The following XKR4 variants were observed in gnomAD, a reference collection of about 807,000 sequenced individuals.
XKR4 encodes the protein XK related 4, also known as XK-related protein 4.
XKR4 carries 12 observed loss-of-function variants against 53.9 expected under a neutral mutation model. The ratio of observed to expected loss-of-function variants is 0.22; its 90% CI spans 0.14 to 0.36. The LOEUF (loss-of-function observed/expected upper bound fraction) is 0.36. XKR4 is among the 10% of genes least tolerant of loss of function. The pLI, the probability that XKR4 is intolerant of heterozygous loss-of-function variation, is 1.00. For synonymous variants in XKR4, 354 were observed against 362.4 expected (o/e 0.98, Z 0.26); for missense variants, 799 against 859.5 (o/e 0.93, Z 0.88).
In XKR4 at chr8:55,518,148, C is replaced by A. The variant is rs571034639; in HGVS notation, c.1007-5133C>A. 8.8e-4 allele frequency among the ~76,000 whole-genome samples: 134 copies of A among 152,298 alleles called. 1 individual carries two copies. The highest frequency in any genetic ancestry group is 3.2e-3 in the African/African-American group (133 of 41,574). On this transcript the variant is annotated intron_variant, in intron 2 of 2. Coordinates refer to ENST00000327381, the MANE Select transcript of XKR4 (RefSeq NM_052898.2). ...CCATCTAGAGAATTAGGCTGTACAT[C>A]CTACGAAGCGTGCTCTGGGGATTTC... is the stretch of plus-strand genomic sequence containing the variant.
intron 2 of XKR4, among the ~76,000 whole-genome samples, chr8:55,447,463 G>A (rs1364431310): frequency 6.6e-6 from 1 of 152,098 alleles, no homozygotes; most frequent in East Asian, 1.9e-4. Context: ...AAGAAAGAAA[G>A]GAAAGACCCC....
intron 1 of XKR4, among the ~76,000 whole-genome samples, chr8:55,277,218 A>G (rs529439018): frequency 3.7e-4 from 56 of 152,364 alleles, no homozygotes; most frequent in South Asian, 2.3e-3. Context: ...CTCAGCTATC[A>G]TGATATGTTC....
intron 2 of XKR4, among the ~76,000 whole-genome samples, chr8:55,372,334 G>C (rs113015868): frequency 1.6e-4 from 24 of 152,296 alleles, no homozygotes; most frequent in African/African-American, 5.8e-4. Context: ...ACATTTATCT[G>C]CCATTCACCT....
rs1563316493 is a variant in XKR4, at chr8:55,289,662, A to AG, written c.807-68015dup. On this transcript the variant is annotated intron_variant, in intron 1 of 2. Transcript: ENST00000327381. ...GAAAGAAAGAAAGGAAGGAAGGAAA[A>AG]GAAAAGAAAAGAAAGAGAAAGAAAG... 7.2e-4 allele frequency among the ~76,000 whole-genome samples: 67 copies of AG among 93,496 alleles called. 1 individual carries two copies. Among genetic ancestry groups the AG allele is most frequent in the African/African-American group, 2.1e-3 (53 of 25,280 alleles). The allele number at this position is 93,496 out of a possible 152,430, so 61.3% of individuals were successfully genotyped here. A position where few individuals can be genotyped will look rare whatever the true frequency, so the allele number is the denominator to read the frequency against.
chr8:55,151,411 C>T (rs1235510870), intron 1 of XKR4, among the ~76,000 whole-genome samples: 2 of 152,184 alleles, frequency 1.3e-5, no homozygotes, highest in African/African-American at 4.8e-5. Context: ...AATTGTACCG[C>T]AAACTTCTGT....
intron 1 of XKR4, among the ~76,000 whole-genome samples, chr8:55,195,402 T>C (rs1817492237): frequency 7.0e-6 from 1 of 142,608 alleles, no homozygotes; most frequent in Non-Finnish European, 1.6e-5. Context: ...AATTGCATGA[T>C]CAATTAGTTT....
chr8:55,184,934 T>C (rs1416464204), intron 1 of XKR4, among the ~76,000 whole-genome samples: 1 of 152,184 alleles, frequency 6.6e-6, no homozygotes, highest in East Asian at 1.9e-4. Flanking sequence ...AAGTTATGAA[T>C]ATCAATATCT....
chr8:55,449,593 AG>A, intron 2 of XKR4: 1 of 1,259,362 alleles, frequency 7.9e-7, no homozygotes, highest in South Asian at 1.2e-5. Flanking sequence ...CGTAAACGCG[AG>A]GAGTTGTCTT....
intron 1 of XKR4, among the ~76,000 whole-genome samples, chr8:55,309,727 G>A (rs904015306): frequency 6.6e-6 from 1 of 152,302 alleles, no homozygotes; most frequent in Admixed American, 6.5e-5. Flanking sequence ...TCTTGCAGCT[G>A]CATGTGAATC....
intron 2 of XKR4, among the ~76,000 whole-genome samples, chr8:55,497,947 A>G (rs59807586): frequency 0.053 from 8,022 of 152,144 alleles, 600 homozygotes; most frequent in East Asian, 0.28. Flanking sequence ...TCAGATCCCC[A>G]TCCCCGCTGC....
intron 2 of XKR4, among the ~76,000 whole-genome samples, chr8:55,431,337 G>A (rs114829828): frequency 1.3e-5 from 2 of 152,098 alleles, no homozygotes; most frequent in Non-Finnish European, 2.9e-5. Flanking sequence ...ACATCATTAG[G>A]CTGTACAACT....
chr8:55,128,134 T>C (rs1005312903), intron 1 of XKR4, among the ~76,000 whole-genome samples: 3 of 152,068 alleles, frequency 2.0e-5, no homozygotes, highest in Non-Finnish European at 2.9e-5. Flanking sequence ...TTTCTAGTTC[T>C]AGATCCCTGA....
At chr8:55,105,583 T>C (rs7013088) in intron 1 of XKR4, among the ~76,000 whole-genome samples, 3,134 of 152,256 alleles carry the variant, frequency 0.021, 38 homozygotes, top group Middle Eastern at 0.044. Context: ...TTATCAGATA[T>C]AATATTCTGG....
At chr8:55,217,686 A>G (rs1220808939) in intron 1 of XKR4, among the ~76,000 whole-genome samples, 1 of 152,216 alleles carries the variant, frequency 6.6e-6, no homozygotes, top group Non-Finnish European at 1.5e-5. Context: ...GCTGAAGTTC[A>G]GGTAAGTATA....
chr8:55,363,506 G>T (rs1030464678), intron 2 of XKR4, among the ~76,000 whole-genome samples: 12 of 152,186 alleles, frequency 7.9e-5, no homozygotes, highest in Admixed American at 6.5e-4. Flanking sequence ...GGGTAACCAA[G>T]AAATACCTGA....
intron 2 of XKR4, among the ~76,000 whole-genome samples, chr8:55,416,883 T>G (rs1299339273): frequency 2.6e-5 from 4 of 152,238 alleles, no homozygotes; most frequent in African/African-American, 4.8e-5. Flanking sequence ...ATCTATGCAT[T>G]TAATCCCATA....
intron 2 of XKR4, among the ~76,000 whole-genome samples, chr8:55,368,243 TG>T (rs759553692): frequency 2.6e-5 from 4 of 152,124 alleles, no homozygotes; most frequent in African/African-American, 4.8e-5. Context: ...GTGTGAGCCA[TG>T]GTGCCTGGCC....
At chr8:55,464,385 A>G (rs1249295322) in intron 2 of XKR4, among the ~76,000 whole-genome samples, 1 of 152,206 alleles carries the variant, frequency 6.6e-6, no homozygotes, top group Non-Finnish European at 1.5e-5. Context: ...CCACATGATT[A>G]TCTCAATAGA....
At chr8:55,201,393 C>G (rs896018629) in intron 1 of XKR4, among the ~76,000 whole-genome samples, 1 of 152,210 alleles carries the variant, frequency 6.6e-6, no homozygotes, top group Non-Finnish European at 1.5e-5. Context: ...TTAGTTTAAC[C>G]TGCACAGTAA....
Sources: gnomAD v4.1 joint callset for allele counts (sites outside exome capture counted in the v4.1 genomes callset) on GRCh38, gnomAD v4.1.1 for gene constraint, MANE v1.5 for transcripts, NCBI Gene and HGNC (gene_info 2026-07-23, HGNC 2026-07-21) for gene names.